TANGO6: variants seen among roughly 807,000 people sequenced by gnomAD.
TANGO6 encodes transport and Golgi organization protein 6 homolog.
A neutral mutation model predicts 114.2 loss-of-function variants in TANGO6; 90 were observed. That is an observed-to-expected ratio of 0.79 (90% confidence interval 0.66 to 0.94). TANGO6 has a LOEUF of 0.94. Among genes scored for constraint, TANGO6 ranks in the 40% least tolerant of loss-of-function variants. The pLI is 0.00. For synonymous variants in TANGO6, 477 were observed against 509.8 expected (o/e 0.94, Z 0.87); for missense variants, 1,274 against 1,315.3 (o/e 0.97, Z 0.49).
intron 12 of TANGO6, among the ~76,000 whole-genome samples, chr16:68,922,420 C>T (rs577186243): frequency 8.5e-5 from 13 of 152,132 alleles, no homozygotes; most frequent in African/African-American, 2.9e-4. Context: ...CCTATAATCC[C>T]AGCTACTTGG....
At position 68,896,340 on chromosome 16, in the gene TANGO6, TA is replaced by T. The variant is rs35201909; in HGVS notation, c.1378-4093del. On this transcript the variant is annotated intron_variant, in intron 7 of 17. Coordinates refer to ENST00000261778, the MANE Select transcript of TANGO6 (RefSeq NM_024562.2). Reference sequence around the variant, plus strand: ...TTATTTTTTATTTTAATTAATTTTTTAGAGACGGAATCTTGTTCTGTTGCTT... The same window carrying T: ...TTATTTTTTATTTTAATTAATTTTTTGAGACGGAATCTTGTTCTGTTGCTT... Among the ~76,000 whole-genome samples the T allele has an allele frequency of 7.1e-3, 1,076 of 151,976 alleles. 14 individuals are homozygous for T. The highest frequency in any genetic ancestry group is 0.025 in the African/African-American group (1,025 of 41,436).
chr16:68,984,722 A>G (rs558094699), intron 15 of TANGO6, among the ~76,000 whole-genome samples: 3 of 152,100 alleles, frequency 2.0e-5, no homozygotes, highest in Admixed American at 6.5e-5. Context: ...GGGTCTCACT[A>G]TGTTGCCCAG....
Position 68,868,492 on chromosome 16 carries a change from ATTTTTTTT to A in TANGO6, c.994+1288_994+1295del, listed in dbSNP as rs765054621. On this transcript the variant is annotated intron_variant, in intron 4 of 17. Transcript: ENST00000261778. ...TTCTGGTATTTACCTCTATATTTCT[ATTTTTTTT>A]TTTTTTTTTTTTTTTGAGACAGAGT... Among the ~76,000 whole-genome samples the A allele has an allele frequency of 1.4e-4, 13 of 93,680 alleles. No individual in the cohort carries two copies. In the Admixed American group the frequency reaches 1.6e-3, roughly 11 times the overall value. 61.5% of individuals were successfully genotyped at this position (93,680 alleles called of 152,430 possible).
In TANGO6 at chr16:68,980,383, T is replaced by TCTCTCTCTCTCTCTC. The variant is rs1555526453; in HGVS notation, c.2842+6215_2842+6216insCTCTCTCTCTCTCTC. 2.3e-3 allele frequency among the ~76,000 whole-genome samples: 83 copies of TCTCTCTCTCTCTCTC among 36,746 alleles called. 6 individuals are homozygous for TCTCTCTCTCTCTCTC. The highest frequency in any genetic ancestry group is 5.8e-3 in the African/African-American group (54 of 9,346). The allele number at this position is 36,746 out of a possible 152,430, so 24.1% of individuals were successfully genotyped here. ...TGAGTATGAATCTATCTGTCTGTCATTCTCTCTCTCTCTCTCTCTCTCTCT... is the reference window on the plus strand; with the variant it reads ...TGAGTATGAATCTATCTGTCTGTCATCTCTCTCTCTCTCTCTCTCTCTCTCTCTCTCTCTCTCTCT... On this transcript the variant is annotated intron_variant, in intron 15 of 17. Coordinates refer to ENST00000261778, the MANE Select transcript of TANGO6 (RefSeq NM_024562.2).
chr16:68,999,736 AAAAC>A (rs1964022613), intron 15 of TANGO6, among the ~76,000 whole-genome samples: 1 of 152,246 alleles, frequency 6.6e-6, no homozygotes, highest in African/African-American at 2.4e-5. Flanking sequence ...CTGACTCTGA[AAAAC>A]AAAACAGAAA....
intron 14 of TANGO6, among the ~76,000 whole-genome samples, chr16:68,935,946 T>A (rs1228668879): frequency 2.6e-5 from 4 of 152,146 alleles, no homozygotes; most frequent in Non-Finnish European, 5.9e-5. Context: ...TTTGGGAGGC[T>A]GAGGTGGGAG....
In TANGO6 at chr16:68,922,951, T is replaced by G. The variant is rs1008917314; in HGVS notation, c.2127+3732T>G. ...CTGCTTAGGTCATGTTTTTTTTTTT[T>G]TTTTTTTTTTTTTTTGAGATGGAGT... On this transcript the variant is annotated intron_variant, in intron 12 of 17. Transcript: ENST00000261778. Among the ~76,000 whole-genome samples the G allele has an allele frequency of 9.6e-4, 135 of 140,414 alleles. 2 individuals carry two copies. Among genetic ancestry groups the G allele is most frequent in the African/African-American group, 3.4e-3 (127 of 37,088 alleles). 92.1% of individuals were successfully genotyped at this position (140,414 alleles called of 152,430 possible).
chr16:68,967,736 T>C (rs1963659887), intron 14 of TANGO6, among the ~76,000 whole-genome samples: 1 of 152,174 alleles, frequency 6.6e-6, no homozygotes, highest in South Asian at 2.1e-4. Context: ...TGTGGGTATT[T>C]TGGGAAGTTG....
intron 6 of TANGO6, 110 bp downstream of exon 6, chr16:68,878,390 C>T: frequency 7.8e-7 from 1 of 1,290,194 alleles, no homozygotes; most frequent in East Asian, 2.6e-5. Context: ...TTTTCCTTCC[C>T]CTCCCCCCAA....
intron 17 of TANGO6, among the ~76,000 whole-genome samples, chr16:69,048,796 A>G (rs1267758816): frequency 2.0e-5 from 3 of 152,188 alleles, no homozygotes; most frequent in Admixed American, 1.3e-4. Context: ...AGTTACTCCT[A>G]GAGATTTCAG....
chr16:68,886,151 C>T (rs548851656), intron 7 of TANGO6, among the ~76,000 whole-genome samples: 1 of 151,854 alleles, frequency 6.6e-6, no homozygotes, highest in Non-Finnish European at 1.5e-5. Flanking sequence ...TATTGAACAG[C>T]TTTTCATGTG....
rs145354033 is a variant in TANGO6 at position 69,083,139 on chromosome 16, A to C, written c.3109-346A>C. Among the ~76,000 whole-genome samples, 48 of 119,936 alleles carry C rather than the reference A, an allele frequency of 4.0e-4. No individual in the cohort carries two copies. In the East Asian group the frequency reaches 0.011, roughly 27 times the overall value. The allele number at this position is 119,936 out of a possible 152,430, so 78.7% of individuals were successfully genotyped here. On this transcript the variant is annotated intron_variant, in intron 17 of 17. Transcript: ENST00000261778. ...TTTCTGCACCGTCATGGCTCACTTT[A>C]GCCTTGACCTCCCAGGCTCAGATGA...
At chr16:69,020,786 A>G (rs1365906323) in intron 15 of TANGO6, among the ~76,000 whole-genome samples, 1 of 151,888 alleles carries the variant, frequency 6.6e-6, no homozygotes, top group East Asian at 1.9e-4. Flanking sequence ...CTTCCCAGCT[A>G]CTCTGGAGGC....
At chr16:68,856,857 C>T (rs1962003264) in intron 1 of TANGO6, among the ~76,000 whole-genome samples, 1 of 152,136 alleles carries the variant, frequency 6.6e-6, no homozygotes, top group African/African-American at 2.4e-5. Flanking sequence ...TGCCTGTAAT[C>T]CCAGCACTTT....
chr16:68,927,637 C>G lies in TANGO6; in HGVS notation c.2197C>G (p.Pro733Ala). Reference sequence around the variant, plus strand: ...GTTGGAGAAGGTATCCAACACATACCCTGATCCGGTCATCCAAGAACTCGC... The same window carrying G: ...GTTGGAGAAGGTATCCAACACATACGCTGATCCGGTCATCCAAGAACTCGC... ...PLLEKVSNTY[P>A]DPVIQELAVD... The change falls in exon 13 of 18, where the codon CCT (proline) becomes GCT (alanine). Residue 733 changes from proline (P) to alanine (A), a missense_variant. Around this residue, in one of 5 missense-constraint regions of TANGO6, gnomAD observed 908 missense variants for 910.2 expected, o/e 1.00. Transcript: ENST00000261778. 6.2e-7 allele frequency: 1 copy of G among 1,613,942 alleles called. No individual in the cohort carries two copies. The highest frequency in any genetic ancestry group is 1.1e-5 in the South Asian group (1 of 91,078).
intron 14 of TANGO6, among the ~76,000 whole-genome samples, chr16:68,954,729 A>G (rs1329130231): frequency 1.3e-5 from 2 of 152,072 alleles, no homozygotes; most frequent in African/African-American, 4.8e-5. Flanking sequence ...TCCAACACAC[A>G]GCCCTTAACC....
At chr16:68,946,897 A>G (rs1317164301) in intron 14 of TANGO6, among the ~76,000 whole-genome samples, 1 of 152,114 alleles carries the variant, frequency 6.6e-6, no homozygotes, top group Non-Finnish European at 1.5e-5. Flanking sequence ...TTTACTTCCA[A>G]TAGTTGTACA....
At chr16:68,902,079 G>T (rs76246992) in intron 8 of TANGO6, among the ~76,000 whole-genome samples, 2,317 of 151,896 alleles carry the variant, frequency 0.015, 71 homozygotes, top group African/African-American at 0.053. Flanking sequence ...ATCACGTGGG[G>T]CTCATGTGGC....
chr16:68,968,142 T>C (rs1161377800), intron 14 of TANGO6, among the ~76,000 whole-genome samples: 1 of 152,096 alleles, frequency 6.6e-6, no homozygotes, highest in Non-Finnish European at 1.5e-5. Flanking sequence ...CTCGGTTCAA[T>C]GCAACCTCCA....
Sources: gnomAD v4.1 joint callset for allele counts (sites outside exome capture counted in the v4.1 genomes callset) on GRCh38, gnomAD v4.1.1 for gene constraint, gnomAD v4.1.1 regional missense constraint, MANE v1.5 for transcripts, NCBI Gene and HGNC (gene_info 2026-07-23, HGNC 2026-07-21) for gene names.